GABBR2: variants seen among roughly 807,000 people sequenced by gnomAD.
The protein encoded by GABBR2 is G-protein coupled receptor 51.
GABBR2 carries 23 observed loss-of-function variants against 105.6 expected under a neutral mutation model. The ratio of observed to expected loss-of-function variants is 0.22; its 90% confidence interval spans 0.16 to 0.31. GABBR2 has a LOEUF of 0.31. Ranked by LOEUF, GABBR2 falls within the 10% of genes least tolerant of loss-of-function variation. GABBR2 has a pLI of 1.00. For synonymous variants in GABBR2, 478 were observed against 499.7 expected (o/e 0.96, Z 0.58); for missense variants, 734 against 1,245.5 (o/e 0.59, Z 6.18).
chr9:98,645,886 T>G (rs1830022960), intron 1 of GABBR2, among the ~76,000 whole-genome samples: 1 of 152,180 alleles, frequency 6.6e-6, no homozygotes, highest in African/African-American at 2.4e-5. Flanking sequence ...CTCACACAAG[T>G]TCTATGAGGT....
intron 13 of GABBR2, among the ~76,000 whole-genome samples, chr9:98,358,352 C>G (rs1831524765): frequency 6.6e-6 from 1 of 152,246 alleles, no homozygotes; most frequent in South Asian, 2.1e-4. Context: ...CCTGTGTCCT[C>G]TCAGCACTTG....
At chr9:98,633,746 G>A (rs960284896) in intron 1 of GABBR2, among the ~76,000 whole-genome samples, 18 of 152,118 alleles carry the variant, frequency 1.2e-4, no homozygotes, top group Non-Finnish European at 2.5e-4. Context: ...AGGGCGGGGA[G>A]GGACGTGGAA....
intron 16 of GABBR2, among the ~76,000 whole-genome samples, chr9:98,301,248 C>T (rs1830464249): frequency 6.6e-6 from 1 of 152,172 alleles, no homozygotes; most frequent in Non-Finnish European, 1.5e-5. Flanking sequence ...TCAGGGGGAG[C>T]CTTGGGGACT....
intron 8 of GABBR2, among the ~76,000 whole-genome samples, chr9:98,403,699 TC>T (rs1374289402): frequency 1.5e-4 from 22 of 151,570 alleles, no homozygotes; most frequent in African/African-American, 4.9e-4. Context: ...CAGAAAGGTG[TC>T]ATAATGTTGA....
chr9:98,339,878 G>T (rs1300455786), intron 13 of GABBR2, among the ~76,000 whole-genome samples: 1 of 152,138 alleles, frequency 6.6e-6, no homozygotes, highest in Admixed American at 6.5e-5. Context: ...TAGTCATCAT[G>T]GCTGAATAGC....
chr9:98,667,962 C>G (rs991117407), intron 1 of GABBR2, among the ~76,000 whole-genome samples: 1 of 152,210 alleles, frequency 6.6e-6, no homozygotes, highest in Non-Finnish European at 1.5e-5. Context: ...GCTGCCTCAT[C>G]CCACGGGGCA....
At chr9:98,496,269 T>C (rs1827277178) in intron 4 of GABBR2, 144 bp downstream of exon 4, 1 of 641,824 alleles carries the variant, frequency 1.6e-6, no homozygotes, top group Non-Finnish European at 2.8e-6. Flanking sequence ...AGCCAATTCC[T>C]GGGAGCTTCT....
rs183225490 is a variant in GABBR2, at chr9:98,568,488, G to T, written c.459+9447C>A. ...AGAGGACGGGCCTGCAGGCTTGGGG[G>T]ACCACTCAGGGGAAGGCTGGGGCCT... On this transcript the variant is annotated intron_variant, in intron 2 of 18. Transcript: ENST00000259455. 5.3e-5 allele frequency among the ~76,000 whole-genome samples: 8 copies of T among 152,314 alleles called. No individual in the cohort carries two copies. In the East Asian group the frequency reaches 9.6e-4, roughly 18 times the overall value.
intron 6 of GABBR2, among the ~76,000 whole-genome samples, chr9:98,462,892 T>C (rs1826450525): frequency 6.6e-6 from 1 of 152,170 alleles, no homozygotes; most frequent in Non-Finnish European, 1.5e-5. Context: ...TAATCCTTTT[T>C]TCTTCTTTTT....
At chr9:98,483,903 C>G (rs1826984035) in intron 4 of GABBR2, among the ~76,000 whole-genome samples, 1 of 152,206 alleles carries the variant, frequency 6.6e-6, no homozygotes, top group African/African-American at 2.4e-5. Context: ...CGTAACTTGA[C>G]TTATCTCTAA....
intron 3 of GABBR2, among the ~76,000 whole-genome samples, chr9:98,541,501 C>A (rs1352981476): frequency 1.3e-5 from 2 of 152,194 alleles, no homozygotes; most frequent in African/African-American, 4.8e-5. Flanking sequence ...TCCAAGCCAG[C>A]CCTTCCCCAA....
intron 3 of GABBR2, among the ~76,000 whole-genome samples, chr9:98,500,603 A>G (rs1827378964): frequency 6.6e-6 from 1 of 152,250 alleles, no homozygotes; most frequent in Non-Finnish European, 1.5e-5. Context: ...TGGCCAAGGA[A>G]CAAATCCACA....
intron 7 of GABBR2, among the ~76,000 whole-genome samples, chr9:98,449,250 A>G (rs984585869): frequency 5.3e-5 from 8 of 152,200 alleles, no homozygotes; most frequent in Admixed American, 5.2e-4. Flanking sequence ...TCTTTCCTCC[A>G]GAGGCCTTGG....
At chr9:98,422,182 A>G (rs1832792956) in intron 7 of GABBR2, among the ~76,000 whole-genome samples, 1 of 152,238 alleles carries the variant, frequency 6.6e-6, no homozygotes, top group Admixed American at 6.5e-5. Flanking sequence ...ACAAAAGAGA[A>G]AAAACCAGAA....
intron 11 of GABBR2, 102 bp from the exon 12 acceptor site, chr9:98,371,673 A>G: frequency 1.5e-6 from 1 of 684,542 alleles, no homozygotes; most frequent in Non-Finnish European, 2.7e-6. Flanking sequence ...ATGGGGACAA[A>G]TACTCCCCTC....
rs540843022 is a variant in GABBR2 at position 98,406,756 on chromosome 9, A to AT, written c.1237-616dup. 2.3e-4 allele frequency among the ~76,000 whole-genome samples: 35 copies of AT among 152,334 alleles called. No homozygotes were observed. The East Asian group carries it at 6.2e-3, about 27-fold the overall frequency. The stretch of plus-strand genomic sequence containing the variant: ...TGTCACAGGCAGCTGAGTGCCCCTC[A>AT]TTAGGGACCTTGGGGGCTAAACATA... On this transcript the variant is annotated intron_variant, in intron 7 of 18. Coordinates refer to ENST00000259455, the MANE Select transcript of GABBR2 (RefSeq NM_005458.8).
At chr9:98,387,807 A>G (rs777517152) in intron 10 of GABBR2, among the ~76,000 whole-genome samples, 12 of 151,994 alleles carry the variant, frequency 7.9e-5, no homozygotes, top group Non-Finnish European at 1.6e-4. Context: ...TAATTAATTA[A>G]TTAATTAAAA....
At chr9:98,529,818 C>T (rs1828031125) in intron 3 of GABBR2, among the ~76,000 whole-genome samples, 1 of 152,226 alleles carries the variant, frequency 6.6e-6, no homozygotes, top group Admixed American at 6.5e-5. Flanking sequence ...TAAAAACCAT[C>T]CATGGCTCCC....
intron 5 of GABBR2, among the ~76,000 whole-genome samples, chr9:98,473,761 G>A (rs1445161019): frequency 6.6e-6 from 1 of 152,038 alleles, no homozygotes; most frequent in Non-Finnish European, 1.5e-5. Context: ...CAGATCTTTG[G>A]GGAAACAAAG....
Sources: gnomAD v4.1 joint callset for allele counts (sites outside exome capture counted in the v4.1 genomes callset) on GRCh38, gnomAD v4.1.1 for gene constraint, MANE v1.5 for transcripts, NCBI Gene and HGNC (gene_info 2026-07-23, HGNC 2026-07-21) for gene names.